The following SLC22A11 variants were observed in gnomAD, a reference collection of about 807,000 sequenced individuals.
SLC22A11 encodes solute carrier family 22 member 11, also known as organic anion transporter 4.
In SLC22A11, 42 loss-of-function variants were observed where a neutral mutation model predicts 49.4. That is an observed-to-expected ratio of 0.85 (90% CI 0.66 to 1.10). The LOEUF (loss-of-function observed/expected upper bound fraction) is 1.10. Ranked by LOEUF, SLC22A11 falls within the 50% of genes least tolerant of loss-of-function variation. SLC22A11 has a pLI of 0.00. For synonymous variants in SLC22A11, 304 were observed against 315.8 expected (o/e 0.96, Z 0.40); for missense variants, 685 against 731.6 (o/e 0.94, Z 0.74).
At position 64,563,610 on chromosome 11, in the gene SLC22A11, T is replaced by TAA. The variant is rs869085115; in HGVS notation, c.822-671_822-670dup. 4.6e-3 allele frequency among the ~76,000 whole-genome samples: 200 copies of TAA among 43,844 alleles called. 18 individuals carry two copies. Among genetic ancestry groups the TAA allele is most frequent in the African/African-American group, 0.017 (158 of 9,350 alleles). The allele number at this position is 43,844 out of a possible 152,430, so 28.8% of individuals were successfully genotyped here. On this transcript the variant is annotated intron_variant, in intron 4 of 9. Coordinates refer to ENST00000301891, the MANE Select transcript of SLC22A11 (RefSeq NM_018484.4). ...CTGCCTGGGGATATTTTAAATGTGC[T>TAA]AAAAAAAAAAAAAAAAAAAAAAAAA...
chr11:64,568,740 C>T lies in SLC22A11; in HGVS notation c.1344C>T (p.Leu448=), dbSNP rs1392022747. 1 of 1,614,138 alleles carries T rather than the reference C, an allele frequency of 6.2e-7. No individual in the cohort carries two copies. The highest frequency in any genetic ancestry group is 8.5e-7 in the Non-Finnish European group (1 of 1,180,020). Residue 448 remains leucine, a synonymous_variant, in exon 8 of 10, where the codon CTC becomes CTT. Transcript: ENST00000301891. ...KGCFGISLTC[L]TIYKAELFPT... ...GTTTTGGGATAAGCCTAACCTGCCT[C>T]ACCATCTACAAGGCTGAACTCTTTC... is the stretch of plus-strand genomic sequence containing the variant.
rs1193695268 is a variant in SLC22A11, at chr11:64,572,484, C to T, written c.*1442C>T. 6.6e-6 allele frequency: 1 copy of T among 152,402 alleles called. No homozygotes were observed. The highest frequency in any genetic ancestry group is 6.5e-5 in the Admixed American group (1 of 15,288). 9.4% of individuals were successfully genotyped at this position (152,402 alleles called of 1,614,324 possible). The stretch of plus-strand genomic sequence containing the variant: ...TCCCTGGAGACCCCACTCTGGGCCA[C>T]CTCAATCTCAGGCCCCTCAACTCAC... On this transcript the variant is annotated 3_prime_UTR_variant, in exon 10 of 10. Transcript: ENST00000301891.
Position 64,571,114 on chromosome 11 carries a change from G to T in SLC22A11, c.*72G>T. On this transcript the variant is annotated 3_prime_UTR_variant, in exon 10 of 10. Coordinates refer to ENST00000301891, the MANE Select transcript of SLC22A11 (RefSeq NM_018484.4). The stretch of plus-strand genomic sequence containing the variant: ...GAGTTGCCTCTTCTCCAATCAGAGC[G>T]TGGAGGCGAGTTGGGCGACTTCAAG... 6.5e-7 allele frequency: 1 copy of T among 1,549,490 alleles called. No homozygotes were observed. Among genetic ancestry groups the T allele is most frequent in the Non-Finnish European group, 8.9e-7 (1 of 1,122,748 alleles).
Position 64,562,578 on chromosome 11 carries a change from G to A in SLC22A11, c.821+143G>A. ...GCATGAGCGGCACCCTCGCTAGGGAGGGACATTGGTGATTGGCAGTCCTGG... is the reference window on the plus strand; with the variant it reads ...GCATGAGCGGCACCCTCGCTAGGGAAGGACATTGGTGATTGGCAGTCCTGG... On this transcript the variant is annotated intron_variant, in intron 4 of 9. Coordinates refer to ENST00000301891, the MANE Select transcript of SLC22A11 (RefSeq NM_018484.4). This position sits in a 1 kb window ranked among gnomAD's most constrained non-coding sequence, Gnocchi z 4.4. The A allele has an allele frequency of 1.1e-6, 1 of 904,772 alleles. No individual in the cohort carries two copies. The allele number at this position is 904,772 out of a possible 1,614,324, so 56.0% of individuals were successfully genotyped here.
chr11:64,569,836 A>C lies in SLC22A11; in HGVS notation c.1567A>C (p.Thr523Pro), dbSNP rs1191430091. 1 of 1,613,426 alleles carries C rather than the reference A, an allele frequency of 6.2e-7. No homozygotes were observed. Among genetic ancestry groups the C allele is most frequent in the East Asian group, 2.2e-5 (1 of 44,878 alleles). Residue 523 changes from threonine to proline, a missense_variant, in exon 9 of 10, where the codon ACT becomes CCT. Coordinates refer to ENST00000301891, the MANE Select transcript of SLC22A11 (RefSeq NM_018484.4). ...GACCCAGGGACTTCCGCTCCCTGAC[A>C]CTATCCAGGACCTGGAGAGCCAGTG... ...PETQGLPLPD[T>P]IQDLESQKST...
intron 7 of SLC22A11, 115 bp from the exon 8 acceptor site, chr11:64,568,555 G>C: frequency 1.2e-6 from 1 of 823,742 alleles, no homozygotes; most frequent in Non-Finnish European, 2.1e-6. Context: ...CAGCAGGGCC[G>C]GGGACTTGTA....
At chr11:64,560,661 C>T (rs2038531027) in intron 2 of SLC22A11, among the ~76,000 whole-genome samples, 1 of 152,242 alleles carries the variant, frequency 6.6e-6, no homozygotes. Flanking sequence ...CTCCTTGCTT[C>T]CCTCATCACA....
At chr11:64,570,764 G>A (rs12801784) in intron 9 of SLC22A11, among the ~76,000 whole-genome samples, 6,720 of 152,206 alleles carry the variant, frequency 0.044, 208 homozygotes, top group Non-Finnish European at 0.07. Context: ...GCAGAGACCC[G>A]GAGAAGCTGG....
Position 64,562,182 on chromosome 11 carries a change from C to T in SLC22A11, c.652+24C>T. On this transcript the variant is annotated intron_variant, in intron 3 of 9. Transcript: ENST00000301891. This position sits in a 1 kb window ranked among gnomAD's most constrained non-coding sequence, Gnocchi z 4.4. ...GAGTGAGTCCCCGGCTCAGCGCGCT[C>T]CTGCCATGGGGGCGGGGGTGGCAGG... 2 of 1,609,758 alleles carry T rather than the reference C, an allele frequency of 1.2e-6. No homozygotes were observed. The highest frequency in any genetic ancestry group is 1.1e-5 in the South Asian group (1 of 90,812).
Position 64,556,291 on chromosome 11 carries a change from C to CCCAATG in SLC22A11, c.296_301dup (p.Asn99_Ala100dup), listed in dbSNP as rs1333606787. 2 of 1,613,744 alleles carry CCCAATG rather than the reference C, an allele frequency of 1.2e-6. No individual in the cohort carries two copies. The highest frequency in any genetic ancestry group is 2.7e-5 in the African/African-American group (2 of 74,944). ...CCAGCCACAGTGGCAGCTCTTGGAC[C>CCCAATG]CCAATGCCACGGCCACCAGCTGGAG... On this transcript the variant is annotated inframe_insertion, in exon 1 of 10. Transcript: ENST00000301891.
In SLC22A11 at chr11:64,564,326, C is replaced by T; in HGVS notation, c.840C>T (p.Ala280=). 1.2e-6 allele frequency: 2 copies of T among 1,614,082 alleles called. No individual in the cohort carries two copies. Among genetic ancestry groups the T allele is most frequent in the Non-Finnish European group, 1.7e-6 (2 of 1,180,024 alleles). ...SLISWWLPES[A]RWLIIKGKPD... Reference sequence around the variant, plus strand: ...CTTACAGGTGGCTGCCAGAATCCGCCCGGTGGCTGATTATTAAGGGCAAAC... The same window carrying T: ...CTTACAGGTGGCTGCCAGAATCCGCTCGGTGGCTGATTATTAAGGGCAAAC... Residue 280 remains alanine, a synonymous_variant, in exon 5 of 10, where the codon GCC becomes GCT. Transcript: ENST00000301891. The surrounding 1 kb of genome is among the most constrained non-coding windows in gnomAD (Gnocchi z 4.2).
In SLC22A11 at chr11:64,572,799, C is replaced by G. The variant is rs983085289; in HGVS notation, c.*1757C>G. The G allele has an allele frequency of 6.6e-6, 1 of 152,144 alleles. No homozygotes were observed. The highest frequency in any genetic ancestry group is 1.5e-5 in the Non-Finnish European group (1 of 68,040). 9.4% of individuals were successfully genotyped at this position (152,144 alleles called of 1,614,324 possible). A position where few individuals can be genotyped will look rare whatever the true frequency, so the allele number is the denominator to read the frequency against. ...GGGACCCCAGCCTTTCCTCCCACTT[C>G]GGTAAATTTTAAAGGATTCGGATCA... On this transcript the variant is annotated 3_prime_UTR_variant, in exon 10 of 10. Coordinates refer to ENST00000301891, the MANE Select transcript of SLC22A11 (RefSeq NM_018484.4).
At chr11:64,570,506 G>T (rs1476544958) in intron 9 of SLC22A11, among the ~76,000 whole-genome samples, 3 of 152,186 alleles carry the variant, frequency 2.0e-5, no homozygotes, top group African/African-American at 4.8e-5. Context: ...TAAAGCACCT[G>T]GGAAAATGCC....
chr11:64,562,321 G>A lies in SLC22A11; in HGVS notation c.707G>A (p.Cys236Tyr). 1.9e-6 allele frequency: 3 copies of A among 1,611,412 alleles called. No homozygotes were observed. The highest frequency in any genetic ancestry group is 2.5e-6 in the Non-Finnish European group (3 of 1,178,788). Residue 236 changes from cysteine to tyrosine, a missense_variant, in exon 4 of 10, where the codon TGT (cysteine) becomes TAT (tyrosine). Physicochemically the swap from Cys to Tyr is radical, Grantham distance 194. Transcript: ENST00000301891. This position sits in a 1 kb window ranked among gnomAD's most constrained non-coding sequence, Gnocchi z 4.4. ...RRAVTMTVVGCAFSAGQAALG... is the reference protein window; with the variant it reads ...RRAVTMTVVGYAFSAGQAALG... ...GCGGTCACCATGACGGTGGTGGGAT[G>A]TGCCTTCAGCGCAGGCCAGGCGGCG... is the stretch of plus-strand genomic sequence containing the variant.
chr11:64,564,087 A>C lies in SLC22A11; in HGVS notation c.822-221A>C, dbSNP rs1006238712. Among the ~76,000 whole-genome samples the C allele has an allele frequency of 2.0e-5, 3 of 152,118 alleles. No individual in the cohort carries two copies. Among genetic ancestry groups the C allele is most frequent in the Admixed American group, 6.5e-5 (1 of 15,284 alleles). On this transcript the variant is annotated intron_variant, in intron 4 of 9. Coordinates refer to ENST00000301891, the MANE Select transcript of SLC22A11 (RefSeq NM_018484.4). This position sits in a 1 kb window ranked among gnomAD's most constrained non-coding sequence, Gnocchi z 4.2. The stretch of plus-strand genomic sequence containing the variant: ...CCGGGCAGCCAGGCGAGCCAGATGG[A>C]GGTGGCTCGCTTGGGAAGGTGGGCG...
intron 4 of SLC22A11, among the ~76,000 whole-genome samples, chr11:64,563,866 A>G (rs969428996): frequency 3.3e-5 from 5 of 151,922 alleles, no homozygotes; most frequent in Admixed American, 6.6e-5. Context: ...CAGTGAGCCA[A>G]GATCGCACCA....
rs1344053828 is a variant in SLC22A11, at chr11:64,556,349, G to C, written c.350G>C (p.Trp117Ser). The part of the protein sequence containing the change: ...EADTEPCVDG[W>S]VYDRSVFTST... ...GACACGGAGCCGTGTGTGGACGGCT[G>C]GGTCTATGACCGCAGCGTCTTCACC... Residue 117 changes from tryptophan (W) to serine (S), a missense_variant, in exon 1 of 10, where the codon TGG becomes TCG. By Grantham distance (177) the Trp-to-Ser change is radical. Transcript: ENST00000301891. 1.9e-6 allele frequency: 3 copies of C among 1,612,692 alleles called. No homozygotes were observed. The highest frequency in any genetic ancestry group is 2.5e-6 in the Non-Finnish European group (3 of 1,180,026).
intron 8 of SLC22A11, among the ~76,000 whole-genome samples, chr11:64,569,073 C>A (rs992589061): frequency 6.6e-6 from 1 of 152,164 alleles, no homozygotes; most frequent in Non-Finnish European, 1.5e-5. Flanking sequence ...GCAGTGGGGA[C>A]CCTCAACTCA....
chr11:64,561,237 G>C (rs1435538825), intron 2 of SLC22A11, among the ~76,000 whole-genome samples: 1 of 152,234 alleles, frequency 6.6e-6, no homozygotes, highest in African/African-American at 2.4e-5. Flanking sequence ...GGTGAGAGCA[G>C]TGGATTGCAA....
Sources: gnomAD v4.1 joint callset for allele counts (sites outside exome capture counted in the v4.1 genomes callset) on GRCh38, gnomAD v4.1.1 for gene constraint, Gnocchi (gnomAD v3.1) non-coding constraint, MANE v1.5 for transcripts, NCBI Gene and HGNC (gene_info 2026-07-23, HGNC 2026-07-21) for gene names.